Variants in KCND3 observed in about 807,000 individuals in gnomAD.
The protein encoded by KCND3 is potassium voltage-gated channel subfamily D member 3.
A neutral mutation model predicts 51.1 loss-of-function variants in KCND3; 9 were observed. That is an observed-to-expected ratio of 0.18 (90% CI 0.11 to 0.31). The LOEUF (loss-of-function observed/expected upper bound fraction) is 0.31, where lower values mean the gene tolerates loss of function less well. KCND3 is among the 10% of genes least tolerant of loss of function. KCND3 has a pLI of 1.00. For synonymous variants in KCND3, 349 were observed against 368.0 expected (o/e 0.95, Z 0.59); for missense variants, 526 against 903.8 (o/e 0.58, Z 5.36).
intron 2 of KCND3, among the ~76,000 whole-genome samples, chr1:111,848,987 C>T (rs1018276486): frequency 6.6e-6 from 1 of 152,146 alleles, no homozygotes; most frequent in Non-Finnish European, 1.5e-5. Flanking sequence ...TCCTGCCCCT[C>T]CCTCTCCTTT....
At chr1:111,892,825 A>G (rs1187649291) in intron 2 of KCND3, among the ~76,000 whole-genome samples, 1 of 152,234 alleles carries the variant, frequency 6.6e-6, no homozygotes, top group Non-Finnish European at 1.5e-5. Context: ...TTAATGAACA[A>G]AAGAGAAGTA....
chr1:111,935,048 A>G (rs1672154454), intron 2 of KCND3, among the ~76,000 whole-genome samples: 1 of 152,232 alleles, frequency 6.6e-6, no homozygotes, highest in African/African-American at 2.4e-5. Flanking sequence ...ACTGGAGGTC[A>G]CCAGACTTAA....
intron 1 of KCND3, among the ~76,000 whole-genome samples, chr1:111,986,848 CACACAACCTGTGT>C (rs377025882): frequency 4.2e-4 from 64 of 152,272 alleles, no homozygotes; most frequent in African/African-American, 1.5e-3. Context: ...CAGCACAGGG[CACACAACCTGTGT>C]CACTTGGAAA....
intron 2 of KCND3, among the ~76,000 whole-genome samples, chr1:111,968,909 C>G (rs1242400061): frequency 1.3e-5 from 2 of 152,108 alleles, no homozygotes; most frequent in Non-Finnish European, 2.9e-5. Context: ...AGCAACAAGG[C>G]TCCCTGGAAC....
At chr1:111,818,484 A>C (rs376986958) in intron 2 of KCND3, among the ~76,000 whole-genome samples, 12 of 152,210 alleles carry the variant, frequency 7.9e-5, no homozygotes, top group African/African-American at 2.9e-4. Flanking sequence ...TGTGCCAGCG[A>C]GGGGTTTTCA....
chr1:111,821,065 G>A (rs561652850), intron 2 of KCND3, among the ~76,000 whole-genome samples: 5 of 152,294 alleles, frequency 3.3e-5, no homozygotes, highest in African/African-American at 1.2e-4. Flanking sequence ...CATTGTTATG[G>A]CAGCCCTAAG....
At chr1:111,839,084 T>C (rs1184066240) in intron 2 of KCND3, among the ~76,000 whole-genome samples, 1 of 152,260 alleles carries the variant, frequency 6.6e-6, no homozygotes, top group East Asian at 1.9e-4. Flanking sequence ...GCTCTATCTT[T>C]TTAGAGTTTC....
intron 1 of KCND3, among the ~76,000 whole-genome samples, chr1:111,983,425 T>C (rs903826694): frequency 6.6e-6 from 1 of 152,092 alleles, no homozygotes; most frequent in Admixed American, 6.5e-5. Flanking sequence ...CCTGGCAAAG[T>C]GCTACTCTGA....
intron 2 of KCND3, among the ~76,000 whole-genome samples, chr1:111,906,567 A>C (rs1184498895): frequency 6.6e-6 from 1 of 152,220 alleles, no homozygotes; most frequent in Admixed American, 6.5e-5. Flanking sequence ...TGTCTTATCA[A>C]GCCAAATAAG....
chr1:111,860,491 G>A (rs905464951), intron 2 of KCND3, among the ~76,000 whole-genome samples: 1 of 152,164 alleles, frequency 6.6e-6, no homozygotes, highest in Non-Finnish European at 1.5e-5. Context: ...AGGTGTTCAG[G>A]AGAGGGAGAG....
At chr1:111,896,360 T>C (rs866131681) in intron 2 of KCND3, among the ~76,000 whole-genome samples, 30 of 152,340 alleles carry the variant, frequency 2.0e-4, no homozygotes, top group African/African-American at 7.0e-4. Flanking sequence ...CTGTCATTAC[T>C]ATTTTATTTT....
intron 2 of KCND3, among the ~76,000 whole-genome samples, chr1:111,884,446 C>T (rs778935311): frequency 1.9e-4 from 29 of 152,198 alleles, no homozygotes; most frequent in Non-Finnish European, 3.4e-4. Flanking sequence ...TCTGTGGGTT[C>T]TGTGCCATTC....
At chr1:111,785,017 C>T (rs1032407145) in intron 3 of KCND3, among the ~76,000 whole-genome samples, 5 of 152,028 alleles carry the variant, frequency 3.3e-5, no homozygotes, top group African/African-American at 1.2e-4. Context: ...GAGTTTGACT[C>T]CATCCTGGGC....
intron 2 of KCND3, among the ~76,000 whole-genome samples, chr1:111,789,576 G>A (rs6662657): frequency 3.3e-5 from 5 of 152,094 alleles, no homozygotes; most frequent in African/African-American, 4.8e-5. Context: ...GATGGAAAAC[G>A]GCTGTATTGA....
intron 2 of KCND3, among the ~76,000 whole-genome samples, chr1:111,843,157 T>G (rs485886): frequency 0.33 from 50,798 of 152,000 alleles, 8,710 homozygotes; most frequent in East Asian, 0.51. Context: ...GCTAGCTGGG[T>G]TCTGTGGAGT....
chr1:111,778,243 A>C (rs1186045055), intron 6 of KCND3, among the ~76,000 whole-genome samples, 193 bp downstream of exon 6: 1 of 152,174 alleles, frequency 6.6e-6, no homozygotes, highest in East Asian at 1.9e-4. Flanking sequence ...GGGAACTAGA[A>C]AGACAGTTGG....
chr1:111,839,829 C>A (rs527439895), intron 2 of KCND3, among the ~76,000 whole-genome samples: 1 of 152,350 alleles, frequency 6.6e-6, no homozygotes, highest in Admixed American at 6.5e-5. Flanking sequence ...GATTCTGAAT[C>A]CTTACTGTTA....
chr1:111,935,513 G>A (rs748885739), intron 2 of KCND3, among the ~76,000 whole-genome samples: 19 of 152,056 alleles, frequency 1.2e-4, no homozygotes, highest in Non-Finnish European at 2.8e-4. Flanking sequence ...TTTTCCCCTG[G>A]GAGATGCAAA....
At chr1:111,950,950 C>A (rs1673029482) in intron 2 of KCND3, among the ~76,000 whole-genome samples, 1 of 152,152 alleles carries the variant, frequency 6.6e-6, no homozygotes, top group Admixed American at 6.5e-5. Flanking sequence ...TTGGTGGGAT[C>A]ACCTGAGGTC....
Sources: allele counts gnomAD v4.1 joint callset (sites outside exome capture counted in the v4.1 genomes callset), GRCh38; gene constraint gnomAD v4.1.1; transcripts MANE v1.5; gene names NCBI Gene and HGNC (gene_info 2026-07-23, HGNC 2026-07-21).